The following ENTREP2 variants were observed in gnomAD, a reference collection of about 807,000 sequenced individuals.
ENTREP2 encodes the protein protein ENTREP2.
At chr15:29,213,250 C>G in the ENTREP2 span, among the ~76,000 whole-genome samples, 30 of 152,036 alleles carry the variant, frequency 2.0e-4, no homozygotes, top group Non-Finnish European at 3.8e-4. Context: ...GTTCTTTTGG[C>G]TTAGGATTGA....
chr15:29,357,117 C>T, the ENTREP2 span, among the ~76,000 whole-genome samples: 2 of 152,044 alleles, frequency 1.3e-5, no homozygotes, highest in Non-Finnish European at 2.9e-5. Flanking sequence ...AGTGCCACTA[C>T]AATTGGTCAC....
the ENTREP2 span, among the ~76,000 whole-genome samples, chr15:29,227,972 T>G: frequency 7.1e-6 from 1 of 141,018 alleles, no homozygotes; most frequent in African/African-American, 2.5e-5. Context: ...TAGACAAAAC[T>G]TGCCGATGAG....
At chr15:29,579,502 C>T in the ENTREP2 span, among the ~76,000 whole-genome samples, 1 of 149,670 alleles carries the variant, frequency 6.7e-6, no homozygotes, top group South Asian at 2.1e-4. Flanking sequence ...CAGCAAAATA[C>T]TGGCCTTTGG....
the ENTREP2 span, among the ~76,000 whole-genome samples, chr15:29,524,603 G>A: frequency 8.5e-5 from 13 of 152,210 alleles, no homozygotes; most frequent in Non-Finnish European, 1.6e-4. Flanking sequence ...TGTTCAGCTC[G>A]ATTAGGATGA....
At chr15:29,570,613 G>A in the ENTREP2 span, 1 of 1,448,250 alleles carries the variant, frequency 6.9e-7, no homozygotes. Flanking sequence ...CCATCTGCGT[G>A]GCCCCGAGCG....
At chr15:29,486,715 T>C in the ENTREP2 span, among the ~76,000 whole-genome samples, 2 of 151,700 alleles carry the variant, frequency 1.3e-5, no homozygotes, top group Non-Finnish European at 2.9e-5. Flanking sequence ...ACAAAAAGAA[T>C]GAAATCCTGT....
At chr15:29,233,179 G>T in the ENTREP2 span, among the ~76,000 whole-genome samples, 9 of 152,186 alleles carry the variant, frequency 5.9e-5, no homozygotes, top group African/African-American at 2.2e-4. Context: ...GTGGAAGTGG[G>T]AGCTTCTGAT....
the ENTREP2 span, among the ~76,000 whole-genome samples, chr15:29,132,552 A>C: frequency 1.3e-5 from 2 of 152,180 alleles, no homozygotes; most frequent in Non-Finnish European, 2.9e-5. Flanking sequence ...TCAGCCTCTG[A>C]CCTTTCAGCT....
the ENTREP2 span, among the ~76,000 whole-genome samples, chr15:29,259,343 A>G: frequency 6.6e-6 from 1 of 152,180 alleles, no homozygotes; most frequent in Non-Finnish European, 1.5e-5. Flanking sequence ...TTCTTGACCA[A>G]TCTCTAGCAC....
the ENTREP2 span, among the ~76,000 whole-genome samples, chr15:29,184,819 T>C: frequency 1.6e-4 from 25 of 152,304 alleles, no homozygotes; most frequent in African/African-American, 6.0e-4. Context: ...CCATGGGACA[T>C]GGAGCCTACC....
At chr15:29,217,740 T>G in the ENTREP2 span, among the ~76,000 whole-genome samples, 1 of 152,106 alleles carries the variant, frequency 6.6e-6, no homozygotes, top group East Asian at 1.9e-4. Context: ...ACTAACCTCC[T>G]GAATTCTTTT....
At chr15:29,241,857 AC>A in the ENTREP2 span, among the ~76,000 whole-genome samples, 56,898 of 150,260 alleles carry the variant, frequency 0.38, 10,929 homozygotes, top group East Asian at 0.57. Flanking sequence ...ATACAGTGAG[AC>A]CCCCCCCCAC....
chr15:29,375,623 A>G, the ENTREP2 span: 2 of 152,228 alleles, frequency 1.3e-5, no homozygotes, highest in Non-Finnish European at 2.9e-5. Flanking sequence ...ATGAGAAATA[A>G]ATACGCGAGA....
the ENTREP2 span, among the ~76,000 whole-genome samples, chr15:29,487,774 C>G: frequency 6.6e-6 from 1 of 152,204 alleles, no homozygotes; most frequent in Non-Finnish European, 1.5e-5. Context: ...CTCACTGCAA[C>G]CTCCACCTCC....
At chr15:29,598,095 C>T in the ENTREP2 span, among the ~76,000 whole-genome samples, 31 of 151,170 alleles carry the variant, frequency 2.1e-4, no homozygotes, top group African/African-American at 6.6e-4. Flanking sequence ...GCACTCTAGC[C>T]GGGGCAACAG....
At chr15:29,627,083 T>C in the ENTREP2 span, among the ~76,000 whole-genome samples, 1 of 152,172 alleles carries the variant, frequency 6.6e-6, no homozygotes, top group Non-Finnish European at 1.5e-5. Flanking sequence ...TCTTTCCTAA[T>C]ATAAGCATTT....
the ENTREP2 span, among the ~76,000 whole-genome samples, chr15:29,341,912 A>G: frequency 6.6e-6 from 1 of 152,056 alleles, no homozygotes; most frequent in Non-Finnish European, 1.5e-5. Flanking sequence ...AATTTTTTTA[A>G]TTTTTTCCTA....
the ENTREP2 span, among the ~76,000 whole-genome samples, chr15:29,412,474 C>T: frequency 2.0e-5 from 3 of 151,992 alleles, no homozygotes; most frequent in African/African-American, 7.2e-5. Flanking sequence ...ATGGCTTATT[C>T]CTGATTTTAA....
At chr15:29,566,649 G>T in the ENTREP2 span, among the ~76,000 whole-genome samples, 1 of 151,888 alleles carries the variant, frequency 6.6e-6, no homozygotes, top group Non-Finnish European at 1.5e-5. Context: ...TAGAGACAGG[G>T]TTTCGCCATG....
Sources: gnomAD v4.1 joint callset for allele counts (sites outside exome capture counted in the v4.1 genomes callset) on GRCh38, gnomAD v4.1.1 for gene constraint, MANE v1.5 for transcripts, NCBI Gene and HGNC (gene_info 2026-07-23, HGNC 2026-07-21) for gene names.